Variants in LDB1 observed in about 807,000 individuals in gnomAD.
LDB1 encodes LIM domain-binding protein 1.
LDB1 carries 6 observed loss-of-function variants against 49.7 expected under a neutral mutation model. The observed-to-expected ratio is 0.12, with a 90% CI of 0.07 to 0.24. The LOEUF (loss-of-function observed/expected upper bound fraction) is 0.24, where lower values mean the gene tolerates loss of function less well. Among genes scored for constraint, LDB1 ranks in the 10% least tolerant of loss-of-function variants. LDB1 has a pLI of 1.00. For missense variants in LDB1, 341 were observed against 561.7 expected (o/e 0.61, Z 3.97); for synonymous variants, 233 against 202.0 (o/e 1.15, Z -1.30).
chr10:102,108,153 G>C lies in LDB1; in HGVS notation c.1176C>G (p.Ser392Arg). Reference protein sequence around the residue: ...PALGANSPWNSKPPSSQESKS... With the variant: ...PALGANSPWNRKPPSSQESKS... Reference sequence around the variant, plus strand: ...TGCTTTCTTGGCTGGACGGAGGCTTGCTGTTCCAGGGGCTGTTGGCGCCCA... The same window carrying C: ...TGCTTTCTTGGCTGGACGGAGGCTTCCTGTTCCAGGGGCTGTTGGCGCCCA... The change falls in exon 11 of 11, where the codon AGC (serine) becomes AGG (arginine). Residue 392 changes from serine (S) to arginine (R), a missense_variant. Coordinates refer to ENST00000673968, the MANE Select transcript of LDB1 (RefSeq NM_001113407.3). The C allele has an allele frequency of 1.2e-6, 2 of 1,614,144 alleles. No individual in the cohort carries two copies. Among genetic ancestry groups the C allele is most frequent in the Non-Finnish European group, 1.7e-6 (2 of 1,180,012 alleles).
downstream of LDB1, among the ~76,000 whole-genome samples, chr10:102,103,066 G>A (rs180867408): frequency 2.0e-5 from 3 of 152,338 alleles, no homozygotes; most frequent in East Asian, 5.8e-4. Context: ...GTGTTACTTT[G>A]TTGTTCAGGC....
chr10:102,117,444 A>C lies in LDB1; in HGVS notation c.25+2642T>G, dbSNP rs2068348307. Among the ~76,000 whole-genome samples, 1 of 152,154 alleles carries C rather than the reference A, an allele frequency of 6.6e-6. No homozygotes were observed. The highest frequency in any genetic ancestry group is 1.5e-5 in the Non-Finnish European group (1 of 68,012). ...GGTGGAGGGAGCAGCAAATAATGACAAAGATGATGAGGGAAAGTACTCCTC... is the reference window on the plus strand; with the variant it reads ...GGTGGAGGGAGCAGCAAATAATGACCAAGATGATGAGGGAAAGTACTCCTC... On this transcript the variant is annotated intron_variant, in intron 1 of 10. Transcript: ENST00000673968. The surrounding 1 kb of genome is among the most constrained non-coding windows in gnomAD (Gnocchi z 4.2).
rs200432254 is a variant in LDB1 at position 102,110,885 on chromosome 10, A to G, written c.336T>C (p.Asp112=). Residue 112 remains aspartate, a synonymous_variant, in exon 5 of 11, where the codon GAT becomes GAC. Transcript: ENST00000673968. ...GCCACTTACTATATCTCTTTGGTCCATCCTCCAGGCAGAAAGTGATGGTCA... is the reference window on the plus strand; with the variant it reads ...GCCACTTACTATATCTCTTTGGTCCGTCCTCCAGGCAGAAAGTGATGGTCA... The part of the protein sequence containing the change: ...AMLTITFCLE[D]GPKRYTIGRT... 11 of 1,614,070 alleles carry G rather than the reference A, an allele frequency of 6.8e-6. No homozygotes were observed. The highest frequency in any genetic ancestry group is 9.3e-6 in the Non-Finnish European group (11 of 1,179,928).
intron 1 of LDB1, among the ~76,000 whole-genome samples, chr10:102,116,074 T>C (rs1053815055): frequency 6.6e-6 from 1 of 152,208 alleles, no homozygotes; most frequent in African/African-American, 2.4e-5. Flanking sequence ...TATGACATAC[T>C]CACTAGTTAA....
chr10:102,113,212 G>A lies in LDB1; in HGVS notation c.26-1676C>T, dbSNP rs114486195. On this transcript the variant is annotated intron_variant, in intron 1 of 10. Coordinates refer to ENST00000673968, the MANE Select transcript of LDB1 (RefSeq NM_001113407.3). ...GTCCTCACAATGCAGGCAAAAGGAG[G>A]GTCCCAGACTGCACAGTCTCTGAAG... Among the ~76,000 whole-genome samples the A allele has an allele frequency of 3.1e-3, 477 of 152,290 alleles. 1 individual carries two copies. Among genetic ancestry groups the A allele is most frequent in the African/African-American group, 0.011 (444 of 41,556 alleles).
In LDB1 at chr10:102,109,794, A is replaced by C; in HGVS notation, c.649-111T>G. On this transcript the variant is annotated intron_variant, in intron 7 of 10. Coordinates refer to ENST00000673968, the MANE Select transcript of LDB1 (RefSeq NM_001113407.3). The surrounding 1 kb of genome is among the most constrained non-coding windows in gnomAD (Gnocchi z 5.8). The stretch of plus-strand genomic sequence containing the variant: ...CCTGAGAGAGGATAGTCTCTTATTA[A>C]ACCTGCTGTTCAGATGAAGAAACCC... 6.4e-7 allele frequency: 1 copy of C among 1,554,568 alleles called. No individual in the cohort carries two copies. The highest frequency in any genetic ancestry group is 8.8e-7 in the Non-Finnish European group (1 of 1,131,560).
intron 1 of LDB1, among the ~76,000 whole-genome samples, chr10:102,118,978 C>T (rs1051796307): frequency 1.4e-4 from 21 of 152,320 alleles, no homozygotes; most frequent in African/African-American, 4.8e-4. Context: ...TCAGCCTCAG[C>T]AGGCACCTGA....
chr10:102,109,910 C>T lies in LDB1; in HGVS notation c.648+11G>A. The stretch of plus-strand genomic sequence containing the variant: ...TTCACTCTTGCATCCTGGGTCCTGC[C>T]CACGACTCACATGCATGGCAAGGAT... On this transcript the variant is annotated intron_variant, in intron 7 of 10. Transcript: ENST00000673968. This position sits in a 1 kb window ranked among gnomAD's most constrained non-coding sequence, Gnocchi z 5.8. The T allele has an allele frequency of 6.2e-7, 1 of 1,607,014 alleles. No homozygotes were observed. The highest frequency in any genetic ancestry group is 8.5e-7 in the Non-Finnish European group (1 of 1,178,696).
At position 102,110,509 on chromosome 10, in the gene LDB1, C is replaced by T. The variant is rs760879682; in HGVS notation, c.525+20G>A. ...CAAACCCAGGTGCCATGGTGTTCCA[C>T]ATCCAGCTGGGTTGCTGACCTGGGT... On this transcript the variant is annotated intron_variant, in intron 6 of 10. Transcript: ENST00000673968. 1 of 1,601,756 alleles carries T rather than the reference C, an allele frequency of 6.2e-7. No individual in the cohort carries two copies. The highest frequency in any genetic ancestry group is 8.5e-7 in the Non-Finnish European group (1 of 1,173,620).
chr10:102,103,229 T>A (rs140446873), downstream of LDB1, among the ~76,000 whole-genome samples: 47 of 152,184 alleles, frequency 3.1e-4, no homozygotes, highest in East Asian at 8.9e-3. Context: ...GGTTTCACCA[T>A]GTTGGCCAGA....
chr10:102,113,037 A>C (rs1554908318), intron 1 of LDB1, among the ~76,000 whole-genome samples: 1 of 151,966 alleles, frequency 6.6e-6, no homozygotes, highest in Non-Finnish European at 1.5e-5. Flanking sequence ...GGTCCCTAAA[A>C]CTCGACTGCA....
In LDB1 at chr10:102,117,403, T is replaced by C. The variant is rs564325556; in HGVS notation, c.25+2683A>G. On this transcript the variant is annotated intron_variant, in intron 1 of 10. Coordinates refer to ENST00000673968, the MANE Select transcript of LDB1 (RefSeq NM_001113407.3). The surrounding 1 kb of genome is among the most constrained non-coding windows in gnomAD (Gnocchi z 4.2). Reference sequence around the variant, plus strand: ...AAGAGCAAGTCTGAGTTAGAAGGCCTTAGAATTGGTGGTGAGGTGGAGGGA... The same window carrying C: ...AAGAGCAAGTCTGAGTTAGAAGGCCCTAGAATTGGTGGTGAGGTGGAGGGA... Among the ~76,000 whole-genome samples the C allele has an allele frequency of 2.2e-4, 33 of 152,280 alleles. No individual in the cohort carries two copies. The highest frequency in any genetic ancestry group is 7.7e-4 in the African/African-American group (32 of 41,538).
At chr10:102,111,600 G>T in intron 1 of LDB1, 64 bp from the exon 2 acceptor site, 1 of 917,906 alleles carries the variant, frequency 1.1e-6, no homozygotes, top group Non-Finnish European at 1.6e-6. Context: ...CTAGCACTTT[G>T]GGAGTCCAAG....
chr10:102,115,461 G>A (rs1590288548), intron 1 of LDB1, among the ~76,000 whole-genome samples: 1 of 152,172 alleles, frequency 6.6e-6, no homozygotes, highest in East Asian at 1.9e-4. Context: ...GGCTCCAGGG[G>A]GTTATTTTTG....
intron 6 of LDB1, 89 bp downstream of exon 6, chr10:102,110,440 C>G: frequency 7.3e-7 from 1 of 1,364,878 alleles, no homozygotes; most frequent in Non-Finnish European, 1.0e-6. Context: ...TTATGCCTCC[C>G]TGGGGAACAG....
chr10:102,115,100 C>G (rs568747762), intron 1 of LDB1: 1 of 152,226 alleles, frequency 6.6e-6, no homozygotes, highest in Non-Finnish European at 1.5e-5. Flanking sequence ...GAGGCTGGGA[C>G]GGAGGGACTG....
intron 1 of LDB1, among the ~76,000 whole-genome samples, chr10:102,115,997 CTGTT>C (rs2068332145): frequency 6.6e-6 from 1 of 151,966 alleles, no homozygotes; most frequent in South Asian, 2.1e-4. Context: ...ATTTGAGTGT[CTGTT>C]TCTCTACTTC....
At chr10:102,120,486 C>T (rs1488518613), upstream of LDB1, 11 of 668,328 alleles carry the variant, frequency 1.6e-5, no homozygotes, top group Non-Finnish European at 2.0e-5. Context: ...CGCCGGCTCC[C>T]CAGCCCAAGC....
In LDB1 at chr10:102,109,590, G is replaced by A. The variant is rs760196247; in HGVS notation, c.732+10C>T. 12 of 1,613,992 alleles carry A rather than the reference G, an allele frequency of 7.4e-6. No homozygotes were observed. In the East Asian group the frequency reaches 8.9e-5, roughly 12 times the overall value. On this transcript the variant is annotated intron_variant, in intron 8 of 10. Transcript: ENST00000673968. This position sits in a 1 kb window ranked among gnomAD's most constrained non-coding sequence, Gnocchi z 5.8. ...GGACTGGGGCAGAAACTGGGTGGTC[G>A]GAGACTCACTCGGAGGTAGTTGAGA...
Sources: allele counts gnomAD v4.1 joint callset (sites outside exome capture counted in the v4.1 genomes callset), GRCh38; gene constraint gnomAD v4.1.1; non-coding constraint Gnocchi (gnomAD v3.1); transcripts MANE v1.5; gene names NCBI Gene and HGNC (gene_info 2026-07-23, HGNC 2026-07-21).